Variants in PCMT1 observed in about 807,000 individuals in gnomAD.
PCMT1 encodes the protein protein-L-isoaspartate(D-aspartate) O-methyltransferase.
A neutral mutation model predicts 29.2 loss-of-function variants in PCMT1; 9 were observed. That is an observed-to-expected ratio of 0.31 (90% CI 0.19 to 0.54). The LOEUF is 0.54. PCMT1 is among the 20% of genes least tolerant of loss of function. The pLI is 0.95. For missense variants in PCMT1, 184 were observed against 282.2 expected, an observed-to-expected ratio of 0.65 and a Z score of 2.49; for synonymous variants, 98 against 97.5, an observed-to-expected ratio of 1.00 and a Z score of -0.03.
chr6:149,794,829 G>C (rs902523718), intron 5 of PCMT1: 2 of 488,838 alleles, frequency 4.1e-6, no homozygotes, highest in Non-Finnish European at 4.1e-6. Flanking sequence ...AGAGATAGAC[G>C]AAGGTCAAGT....
At chr6:149,769,147 G>A (rs1261222572) in intron 1 of PCMT1, among the ~76,000 whole-genome samples, 1 of 151,724 alleles carries the variant, frequency 6.6e-6, no homozygotes. Flanking sequence ...GAATGGCATT[G>A]GTTTGATTGG....
chr6:149,802,467 T>A, intron 7 of PCMT1, 51 bp downstream of exon 7: 1 of 1,419,440 alleles, frequency 7.0e-7, no homozygotes. Context: ...TGTTTTTGGT[T>A]GTCACCTTTA....
intron 3 of PCMT1, among the ~76,000 whole-genome samples, chr6:149,784,546 C>G (rs930931554): frequency 2.6e-5 from 4 of 151,876 alleles, no homozygotes; most frequent in African/African-American, 9.7e-5. Context: ...TCTCAGCTCA[C>G]TGCGGCCTGC....
chr6:149,810,221 A>G (rs569698932), intron 7 of PCMT1: 1 of 162,246 alleles, frequency 6.2e-6, no homozygotes, highest in East Asian at 1.8e-4. Flanking sequence ...GCAAAAGACC[A>G]CATTTCTGTC....
intron 1 of PCMT1, among the ~76,000 whole-genome samples, chr6:149,761,178 TAC>T (rs77058597): frequency 2.4e-4 from 35 of 148,710 alleles, no homozygotes; most frequent in African/African-American, 5.9e-4. Context: ...AAACATGAAA[TAC>T]ACACACACAC....
At position 149,796,447 on chromosome 6, in the gene PCMT1, G is replaced by T. The variant is rs1453559163; in HGVS notation, c.451G>T (p.Ala151Ser). 1 of 1,613,734 alleles carries T rather than the reference G, an allele frequency of 6.2e-7. No individual in the cohort carries two copies. Among genetic ancestry groups the T allele is most frequent in the Admixed American group, 1.7e-5 (1 of 59,936 alleles). ...TGGAAGAATGGGATATGCTGAAGAA[G>T]CCCCTTATGATGCCATTCATGTGGG... ...GDGRMGYAEE[A>S]PYDAIHVGAA... is the part of the protein sequence containing the mutation. Residue 151 changes from alanine to serine, a missense_variant, in exon 6 of 8, where the codon GCC becomes TCC. By Grantham distance (99) the Ala-to-Ser change is moderately conservative. Coordinates refer to ENST00000464889, the MANE Select transcript of PCMT1 (RefSeq NM_001360452.2).
intron 1 of PCMT1, among the ~76,000 whole-genome samples, chr6:149,761,402 A>T (rs1786736111): frequency 6.6e-6 from 1 of 152,212 alleles, no homozygotes; most frequent in Non-Finnish European, 1.5e-5. Context: ...AATGAAAAAC[A>T]ACATTCTTCG....
At position 149,751,467 on chromosome 6, in the gene PCMT1, T is replaced by G. The variant is rs76975977; in HGVS notation, c.55+1511T>G. On this transcript the variant is annotated intron_variant, in intron 1 of 7. Transcript: ENST00000464889. ...GAAATTAGGAGTACTGTTTGGCACATGGTTGGTACTTTTTTTTTTTTTTTT... is the reference window on the plus strand; with the variant it reads ...GAAATTAGGAGTACTGTTTGGCACAGGGTTGGTACTTTTTTTTTTTTTTTT... Among the ~76,000 whole-genome samples the G allele has an allele frequency of 3.4e-5, 5 of 148,930 alleles. No individual in the cohort carries two copies. In the Admixed American group the frequency reaches 3.4e-4, roughly 10 times the overall value.
chr6:149,749,713 T>C, upstream of PCMT1: 1 of 1,532,730 alleles, frequency 6.5e-7, no homozygotes, highest in Non-Finnish European at 8.8e-7. Context: ...ACAGAGCGCA[T>C]GCGTGCCGCG....
chr6:149,782,694 G>C (rs747453789), intron 3 of PCMT1, among the ~76,000 whole-genome samples: 1 of 151,958 alleles, frequency 6.6e-6, no homozygotes, highest in African/African-American at 2.4e-5. Context: ...CAAGAATAAT[G>C]ATGGTAACAG....
intron 3 of PCMT1, among the ~76,000 whole-genome samples, chr6:149,775,440 A>G (rs565152432): frequency 6.6e-6 from 1 of 152,296 alleles, no homozygotes; most frequent in South Asian, 2.1e-4. Context: ...GTGGTGGCTC[A>G]CACCTGTGTA....
chr6:149,772,129 G>A, intron 2 of PCMT1: 1 of 456,624 alleles, frequency 2.2e-6, no homozygotes, highest in South Asian at 1.5e-5. Context: ...CGGCTGCCAT[G>A]CTATCTTCTT....
At chr6:149,781,293 C>G (rs1207974286) in intron 3 of PCMT1, among the ~76,000 whole-genome samples, 1 of 148,516 alleles carries the variant, frequency 6.7e-6, no homozygotes, top group Non-Finnish European at 1.5e-5. Context: ...GTGGTGCCAT[C>G]TCAGCTCACT....
intron 3 of PCMT1, among the ~76,000 whole-genome samples, chr6:149,774,978 A>AT (rs1562406779): frequency 6.6e-6 from 1 of 152,032 alleles, no homozygotes; most frequent in Non-Finnish European, 1.5e-5. Flanking sequence ...AAGTGCTGGG[A>AT]TTACAGGCGT....
At chr6:149,753,319 G>A (rs1403368546) in intron 1 of PCMT1, among the ~76,000 whole-genome samples, 2 of 151,798 alleles carry the variant, frequency 1.3e-5, no homozygotes, top group East Asian at 3.9e-4. Flanking sequence ...GAAGGGGAAG[G>A]AAATTACATT....
In PCMT1 at chr6:149,810,749, C is replaced by G; in HGVS notation, c.*171C>G. ...GACTTTGTTACACTGTTATTTTCAG[C>G]ATGAAAATGTGTGTTTTTTTAGGGT... On this transcript the variant is annotated 3_prime_UTR_variant, in exon 8 of 8. Coordinates refer to ENST00000464889, the MANE Select transcript of PCMT1 (RefSeq NM_001360452.2). 2 of 705,816 alleles carry G rather than the reference C, an allele frequency of 2.8e-6. No individual in the cohort carries two copies. Among genetic ancestry groups the G allele is most frequent in the Non-Finnish European group, 4.6e-6 (2 of 433,114 alleles). 43.7% of individuals were successfully genotyped at this position (705,816 alleles called of 1,614,324 possible).
chr6:149,777,876 CTTTTTTTTT>C (rs57484963), intron 3 of PCMT1, among the ~76,000 whole-genome samples: 1 of 111,076 alleles, frequency 9.0e-6, no homozygotes. Flanking sequence ...TTCTTTTCTT[CTTTTTTTTT>C]TTTTTTTTTT....
At position 149,749,885 on chromosome 6, in the gene PCMT1, T is replaced by C; in HGVS notation, c.-17T>C. ...GCGCTGAAGGTGGTTCTGTACCTGC[T>C]CCGAGTGTGCTTAGCGATGGCCTGG... On this transcript the variant is annotated 5_prime_UTR_variant, in exon 1 of 8. Coordinates refer to ENST00000464889, the MANE Select transcript of PCMT1 (RefSeq NM_001360452.2). 1 of 1,606,690 alleles carries C rather than the reference T, an allele frequency of 6.2e-7. No homozygotes were observed. The highest frequency in any genetic ancestry group is 8.5e-7 in the Non-Finnish European group (1 of 1,176,888).
intron 1 of PCMT1, among the ~76,000 whole-genome samples, chr6:149,763,905 C>T (rs897976145): frequency 6.6e-6 from 1 of 152,092 alleles, no homozygotes; most frequent in African/African-American, 2.4e-5. Flanking sequence ...CTAAGAGTGT[C>T]ATGTGAGTGA....
Sources: allele counts gnomAD v4.1 joint callset (sites outside exome capture counted in the v4.1 genomes callset), GRCh38; gene constraint gnomAD v4.1.1; transcripts MANE v1.5; gene names NCBI Gene and HGNC (gene_info 2026-07-23, HGNC 2026-07-21).